PPRC1: variants seen among roughly 807,000 people sequenced by gnomAD.
PPRC1 encodes the protein peroxisome proliferator-activated receptor gamma coactivator-related protein 1.
In PPRC1, 23 loss-of-function variants were observed where a neutral mutation model predicts 132.5. The observed-to-expected ratio is 0.17, with a 90% CI of 0.12 to 0.25. The LOEUF (loss-of-function observed/expected upper bound fraction) is 0.25, where lower values mean the gene tolerates loss of function less well. Among genes scored for constraint, PPRC1 ranks in the 10% least tolerant of loss-of-function variants. The pLI, the probability that PPRC1 is intolerant of heterozygous loss-of-function variation, is 1.00. For synonymous variants in PPRC1, 872 were observed against 833.5 expected, an observed-to-expected ratio of 1.05 and a Z score of -0.80; for missense variants, 2,006 against 2,089.1, an observed-to-expected ratio of 0.96 and a Z score of 0.78.
intron 5 of PPRC1, 68 bp from the exon 6 acceptor site, chr10:102,142,977 G>T (rs910969935): frequency 7.2e-7 from 1 of 1,379,798 alleles, no homozygotes; most frequent in Non-Finnish European, 1.0e-6. Context: ...TGATTTGGGG[G>T]CTTCCTGGGA....
In PPRC1 at chr10:102,136,834, C is replaced by T. The variant is rs1018644982; in HGVS notation, c.154-1016C>T. 3.3e-5 allele frequency among the ~76,000 whole-genome samples: 5 copies of T among 152,214 alleles called. No homozygotes were observed. In the East Asian group the frequency reaches 9.6e-4, roughly 29 times the overall value. On this transcript the variant is annotated intron_variant, in intron 1 of 13. Transcript: ENST00000278070. The stretch of plus-strand genomic sequence containing the variant: ...TTCTGGTCCCTTCCGGCCCTGCCCA[C>T]ACCCACACTCTTGACAGGTCTGGGC...
intron 8 of PPRC1, among the ~76,000 whole-genome samples, chr10:102,145,798 G>T (rs952627132): frequency 1.3e-5 from 2 of 152,172 alleles, no homozygotes; most frequent in Non-Finnish European, 2.9e-5. Context: ...CCAGGAGGTT[G>T]AGCTTGCAGT....
At chr10:102,132,130 G>C (rs2068554206), upstream of PPRC1, among the ~76,000 whole-genome samples, 1 of 152,162 alleles carries the variant, frequency 6.6e-6, no homozygotes, top group Non-Finnish European at 1.5e-5. Context: ...AAGCGTCAAT[G>C]AATACACACT....
At chr10:102,139,068 ACTC>A (rs763649697) in intron 4 of PPRC1, 29 bp from the exon 5 acceptor site, 32 of 1,606,610 alleles carry the variant, frequency 2.0e-5, no homozygotes, top group African/African-American at 2.7e-5. Flanking sequence ...CCCAAAGAAA[ACTC>A]CTCCTGAGAC....
chr10:102,138,918 C>G lies in PPRC1; in HGVS notation c.529C>G (p.Arg177Gly), dbSNP rs771663512. ...TACTCTCTCTCGGACACCCCCAGAA[C>G]GTGACCTCATCACCCCAGTTGACCC... Reference protein sequence around the residue: ...LLTLSRTPPERDLITPVDPLG... With the variant: ...LLTLSRTPPEGDLITPVDPLG... The change falls in exon 4 of 14, where the codon CGT (arginine) becomes GGT (glycine). Residue 177 changes from arginine (R) to glycine (G), a missense_variant. Around this residue, in one of 2 missense-constraint regions of PPRC1, gnomAD observed 1,914 missense variants for 1,917.2 expected, o/e 1.00. Transcript: ENST00000278070. The G allele has an allele frequency of 1.2e-6, 2 of 1,614,170 alleles. No homozygotes were observed. Among genetic ancestry groups the G allele is most frequent in the South Asian group, 1.1e-5 (1 of 91,082 alleles).
intron 8 of PPRC1, among the ~76,000 whole-genome samples, chr10:102,146,100 A>G (rs1383733099): frequency 1.3e-5 from 2 of 152,160 alleles, no homozygotes; most frequent in South Asian, 4.1e-4. Context: ...GTTTGGCTGG[A>G]GTGTAGTAGC....
In PPRC1 at chr10:102,145,057, C is replaced by A. The variant is rs377255072; in HGVS notation, c.3646C>A (p.Arg1216=). The A allele has an allele frequency of 1.2e-6, 2 of 1,613,820 alleles. No homozygotes were observed. The highest frequency in any genetic ancestry group is 1.7e-6 in the Non-Finnish European group (2 of 1,179,882). The change falls in exon 8 of 14, where the codon CGG becomes AGG. Residue 1216 remains arginine (R), a synonymous_variant. Transcript: ENST00000278070. ...TCCCCAGGAGAAGAGGCCCCTAGAC[C>A]GGTTACAAGCCCCAGAACTGGCCAA... The part of the protein sequence containing the change: ...DIPQEKRPLD[R]LQAPELANVA...
At position 102,141,859 on chromosome 10, in the gene PPRC1, T is replaced by C. The variant is rs2068996822; in HGVS notation, c.3351T>C (p.Ala1117=). 3 of 1,614,092 alleles carry C rather than the reference T, an allele frequency of 1.9e-6. No homozygotes were observed. The highest frequency in any genetic ancestry group is 1.7e-6 in the Non-Finnish European group (2 of 1,180,004). ...CCAGGGAGAAGCCCCCCTTGCCTGC[T>C]ACCAAGGCTGTTCCCACACCAAGGC... The part of the protein sequence containing the change: ...TRPREKPPLP[A]TKAVPTPRQS... The change falls in exon 5 of 14, where the codon GCT becomes GCC. Residue 1117 remains alanine, a synonymous_variant. Transcript: ENST00000278070.
At chr10:102,128,370 C>T (rs2133561230), upstream of PPRC1, among the ~76,000 whole-genome samples, 1 of 152,054 alleles carries the variant, frequency 6.6e-6, no homozygotes, top group South Asian at 2.1e-4. Context: ...CATCTCCTGA[C>T]CTCCCACATT....
rs1254738594 is a variant in PPRC1, at chr10:102,139,552, T to A, written c.1044T>A (p.Ile348=). 10 of 1,613,922 alleles carry A rather than the reference T, an allele frequency of 6.2e-6. No homozygotes were observed. The highest frequency in any genetic ancestry group is 7.6e-6 in the Non-Finnish European group (9 of 1,179,930). ...TLPEGCVVLE[I]VGQAATAGDD... is the part of the protein sequence containing the mutation. ...CTGAGGGCTGCGTAGTGCTGGAGATTGTGGGGCAGGCAGCCACAGCTGGCG... is the reference window on the plus strand; with the variant it reads ...CTGAGGGCTGCGTAGTGCTGGAGATAGTGGGGCAGGCAGCCACAGCTGGCG... The change falls in exon 5 of 14, where the codon ATT becomes ATA. Residue 348 remains isoleucine, a synonymous_variant. Transcript: ENST00000278070.
chr10:102,148,346 T>G lies in PPRC1; in HGVS notation c.4401-26T>G. On this transcript the variant is annotated intron_variant, in intron 9 of 13. Transcript: ENST00000278070. The surrounding 1 kb of genome is among the most constrained non-coding windows in gnomAD (Gnocchi z 4.2). ...GAGTATACCTGAACCACTCCCAGCATTCCTGCATGCCCTCTTATCCTTCAG... is the reference window on the plus strand; with the variant it reads ...GAGTATACCTGAACCACTCCCAGCAGTCCTGCATGCCCTCTTATCCTTCAG... 1 of 1,610,248 alleles carries G rather than the reference T, an allele frequency of 6.2e-7. No individual in the cohort carries two copies. Among genetic ancestry groups the G allele is most frequent in the Non-Finnish European group, 8.5e-7 (1 of 1,178,524 alleles).
chr10:102,133,884 T>C (rs1317803637), intron 1 of PPRC1, among the ~76,000 whole-genome samples: 1 of 142,914 alleles, frequency 7.0e-6, no homozygotes, highest in Admixed American at 7.0e-5. Context: ...GCCTTGGAGG[T>C]TTTTTTTTTC....
chr10:102,120,167 G>A, the PPRC1 span: 794 of 1,220,920 alleles, frequency 6.5e-4, 1 homozygote, highest in Non-Finnish European at 8.0e-4. Context: ...CCCCTCGCGG[G>A]GACAGGCCGG....
In PPRC1 at chr10:102,138,672, G is replaced by A. The variant is rs1191089010; in HGVS notation, c.396G>A (p.Thr132=). 1.9e-6 allele frequency: 3 copies of A among 1,614,172 alleles called. No homozygotes were observed. The highest frequency in any genetic ancestry group is 1.6e-4 in the Middle Eastern group (1 of 6,062). ...QNEVSLLTAL[T]EILDNADSEN... ...AAGTGTCGCTGCTCACGGCTCTGAC[G>A]GAGATCTTGGACAATGCAGATTCTG... Residue 132 remains threonine, a synonymous_variant, in exon 3 of 14, where the codon ACG becomes ACA. Coordinates refer to ENST00000278070, the MANE Select transcript of PPRC1 (RefSeq NM_015062.5).
At chr10:102,145,976 A>G (rs2069226167) in intron 8 of PPRC1, among the ~76,000 whole-genome samples, 1 of 152,042 alleles carries the variant, frequency 6.6e-6, no homozygotes, top group Non-Finnish European at 1.5e-5. Context: ...GGCTTGAGAA[A>G]CTCTATCAGG....
rs2069372482 is a variant in PPRC1 at position 102,148,633 on chromosome 10, G to C, written c.4556G>C (p.Ser1519Thr). The C allele has an allele frequency of 2.5e-6, 4 of 1,614,034 alleles. No individual in the cohort carries two copies. The African/African-American group carries it at 4.0e-5, about 16-fold the overall frequency. ...ATGACACCCTCTTTTGTCAGGTACA[G>C]CTCTTATCGTTCACATGACCATTAC... ...RRRSDRRRRYSSYRSHDHYQR... is the reference protein window; with the variant it reads ...RRRSDRRRRYTSYRSHDHYQR... Residue 1519 changes from serine (S) to threonine (T), a missense_variant, in exon 11 of 14, where the codon AGC becomes ACC. By Grantham distance (58) the Ser-to-Thr change is moderately conservative. This residue lies in a region of PPRC1 where 1,914 missense variants were observed against 1,917.2 expected (regional missense o/e 1.00). Coordinates refer to ENST00000278070, the MANE Select transcript of PPRC1 (RefSeq NM_015062.5). The surrounding 1 kb of genome is among the most constrained non-coding windows in gnomAD (Gnocchi z 4.2).
At chr10:102,121,224 C>T in the PPRC1 span, among the ~76,000 whole-genome samples, 3 of 152,052 alleles carry the variant, frequency 2.0e-5, no homozygotes, top group Admixed American at 6.6e-5. Context: ...CAGACTGACG[C>T]ATCAGTCAAG....
chr10:102,149,624 C>T (rs771203426), intron 13 of PPRC1, among the ~76,000 whole-genome samples: 31 of 151,194 alleles, frequency 2.1e-4, no homozygotes, highest in Non-Finnish European at 4.3e-4. Context: ...CCCAGCTACT[C>T]GGGAAGCTGA....
chr10:102,147,650 G>C (rs895963736), intron 9 of PPRC1, among the ~76,000 whole-genome samples: 4 of 152,064 alleles, frequency 2.6e-5, no homozygotes, highest in Admixed American at 6.6e-5. Flanking sequence ...AGACTTTTAG[G>C]GTTTGATTTT....
Sources: allele counts gnomAD v4.1 joint callset (sites outside exome capture counted in the v4.1 genomes callset), GRCh38; gene constraint gnomAD v4.1.1; regional missense constraint gnomAD v4.1.1; non-coding constraint Gnocchi (gnomAD v3.1); transcripts MANE v1.5; gene names NCBI Gene and HGNC (gene_info 2026-07-23, HGNC 2026-07-21).